Variants in MEGF10 observed in about 807,000 individuals in gnomAD.
MEGF10 encodes the protein multiple epidermal growth factor-like domains protein 10.
MEGF10 carries 86 observed loss-of-function variants against 147.5 expected under a neutral mutation model. That is an observed-to-expected ratio of 0.58 (90% CI 0.49 to 0.70). MEGF10 has a LOEUF of 0.70. Ranked by LOEUF, MEGF10 falls within the 30% of genes least tolerant of loss-of-function variation. The pLI is 0.00. For missense variants in MEGF10, 1,329 were observed against 1,487.3 expected (o/e 0.89, Z 1.75); for synonymous variants, 478 against 525.5 (o/e 0.91, Z 1.24).
At chr5:127,442,105 A>C (rs1231348921) in intron 18 of MEGF10, among the ~76,000 whole-genome samples, 1 of 152,250 alleles carries the variant, frequency 6.6e-6, no homozygotes, top group African/African-American at 2.4e-5. Flanking sequence ...GAATAGGCTC[A>C]AAATTTTACT....
chr5:127,450,821 C>G (rs138673461), intron 22 of MEGF10, among the ~76,000 whole-genome samples: 1 of 151,994 alleles, frequency 6.6e-6, no homozygotes. Context: ...TGCAGTGGCG[C>G]GATCTCGGCT....
the MEGF10 span, among the ~76,000 whole-genome samples, chr5:127,239,512 TATACTTTATA>T: frequency 6.8e-6 from 1 of 146,682 alleles, no homozygotes; most frequent in African/African-American, 2.6e-5. Context: ...TTTACATGTA[TATACTTTATA>T]TATATATAAA....
At chr5:127,315,648 T>C (rs1056934989) in intron 1 of MEGF10, among the ~76,000 whole-genome samples, 1 of 151,926 alleles carries the variant, frequency 6.6e-6, no homozygotes, top group African/African-American at 2.4e-5. Context: ...TTGGAATGCA[T>C]GTGTAGTCCC....
chr5:127,304,003 A>G (rs1759896291), intron 1 of MEGF10, among the ~76,000 whole-genome samples: 1 of 152,160 alleles, frequency 6.6e-6, no homozygotes, highest in Non-Finnish European at 1.5e-5. Flanking sequence ...CTGAGATTTT[A>G]ATTTCTACTC....
At position 127,337,783 on chromosome 5, in the gene MEGF10, A is replaced by C. The variant is rs189432068; in HGVS notation, c.117-1337A>C. Among the ~76,000 whole-genome samples the C allele has an allele frequency of 1.5e-3, 233 of 152,230 alleles. 1 individual carries two copies. The highest frequency in any genetic ancestry group is 5.4e-3 in the African/African-American group (224 of 41,566). On this transcript the variant is annotated intron_variant, in intron 2 of 24. Transcript: ENST00000503335. ...ACTCCTTTTATTTTAAAACGTGATC[A>C]TGAGGACCCAGGGAAGTGAGGTTAT...
At chr5:127,390,149 GTC>G (rs1290028333) in intron 5 of MEGF10, among the ~76,000 whole-genome samples, 1 of 152,186 alleles carries the variant, frequency 6.6e-6, no homozygotes, top group Non-Finnish European at 1.5e-5. Context: ...CTGTAGCTCT[GTC>G]TCTCTTTCTC....
intron 13 of MEGF10, among the ~76,000 whole-genome samples, chr5:127,427,485 T>C (rs547265926): frequency 1.3e-5 from 2 of 151,714 alleles, no homozygotes; most frequent in Non-Finnish European, 2.9e-5. Context: ...AGAGGAGAGG[T>C]TGGGGGCTCA....
At chr5:127,294,835 T>TAATAATAATAA (rs56033520) in intron 1 of MEGF10, among the ~76,000 whole-genome samples, 1 of 143,142 alleles carries the variant, frequency 7.0e-6, no homozygotes, top group Non-Finnish European at 1.5e-5. Context: ...ATAATAATAA[T>TAATAATAATAA]AAATAACTTG....
upstream of MEGF10, among the ~76,000 whole-genome samples, chr5:127,288,932 G>T (rs1021855204): frequency 6.6e-6 from 1 of 152,200 alleles, no homozygotes; most frequent in East Asian, 1.9e-4. Flanking sequence ...CAACATTAAT[G>T]AGTTTCAAAA....
Position 127,460,844 on chromosome 5 carries a change from T to G in MEGF10, c.*3526T>G, listed in dbSNP as rs1766534381. On this transcript the variant is annotated 3_prime_UTR_variant, in exon 25 of 25. Coordinates refer to ENST00000503335, the MANE Select transcript of MEGF10 (RefSeq NM_001256545.2). ...AGATTTTGGTCTTAAAGGCTTCACATCATGAAAGTGTACATGCATATGCAA... is the reference window on the plus strand; with the variant it reads ...AGATTTTGGTCTTAAAGGCTTCACAGCATGAAAGTGTACATGCATATGCAA... 6.7e-6 allele frequency: 1 copy of G among 150,294 alleles called. No homozygotes were observed. Among genetic ancestry groups the G allele is most frequent in the East Asian group, 1.9e-4 (1 of 5,132 alleles). 9.3% of individuals were successfully genotyped at this position (150,294 alleles called of 1,614,324 possible). A position where few individuals can be genotyped will look rare whatever the true frequency, so the allele number is the denominator to read the frequency against.
At chr5:127,268,885 C>T in the MEGF10 span, among the ~76,000 whole-genome samples, 11 of 152,332 alleles carry the variant, frequency 7.2e-5, no homozygotes, top group Non-Finnish European at 1.2e-4. Flanking sequence ...CCCTTTGAGA[C>T]GAAGCTTCCA....
intron 4 of MEGF10, among the ~76,000 whole-genome samples, chr5:127,361,296 T>C (rs1299510357): frequency 6.6e-6 from 1 of 151,962 alleles, no homozygotes; most frequent in Admixed American, 6.5e-5. Flanking sequence ...TTCATCTAGG[T>C]TATCAAATTT....
the MEGF10 span, among the ~76,000 whole-genome samples, chr5:127,245,025 G>C: frequency 1.3e-5 from 2 of 152,090 alleles, no homozygotes; most frequent in Non-Finnish European, 2.9e-5. Flanking sequence ...AAATGGCCAT[G>C]CTGCCCAAAG....
At chr5:127,455,704 T>C (rs546564065) in intron 24 of MEGF10, 97 bp downstream of exon 24, 1 of 921,936 alleles carries the variant, frequency 1.1e-6, no homozygotes, top group Non-Finnish European at 1.6e-6. Context: ...CATAGAAATC[T>C]TATTGAAAAT....
chr5:127,345,082 T>TCACATGGAAACTGTC (rs1761832228), intron 4 of MEGF10, among the ~76,000 whole-genome samples: 1 of 152,208 alleles, frequency 6.6e-6, no homozygotes, highest in South Asian at 2.1e-4. Flanking sequence ...TCATGTAGAT[T>TCACATGGAAACTGTC]CACATGGAAA....
rs1246071684 is a variant in MEGF10 at position 127,384,987 on chromosome 5, A to C, written c.413-11545A>C. On this transcript the variant is annotated intron_variant, in intron 5 of 24. Transcript: ENST00000503335. ...CAGGGAGATAAAAGACCCTCAGGGAACTGAGGCTTAAGAAGAAAGGGTGTA... is the reference window on the plus strand; with the variant it reads ...CAGGGAGATAAAAGACCCTCAGGGACCTGAGGCTTAAGAAGAAAGGGTGTA... Among the ~76,000 whole-genome samples the C allele has an allele frequency of 2.0e-5, 3 of 152,188 alleles. No individual in the cohort carries two copies. In the East Asian group the frequency reaches 5.8e-4, roughly 29 times the overall value.
intron 5 of MEGF10, among the ~76,000 whole-genome samples, chr5:127,391,725 TC>T (rs1763705970): frequency 6.6e-6 from 1 of 152,154 alleles, no homozygotes; most frequent in South Asian, 2.1e-4. Flanking sequence ...CTAATCATCA[TC>T]GTCAAACAGA....
At chr5:127,396,243 A>C (rs1015478653) in intron 5 of MEGF10, among the ~76,000 whole-genome samples, 1 of 152,214 alleles carries the variant, frequency 6.6e-6, no homozygotes, top group African/African-American at 2.4e-5. Context: ...AGCCACATCA[A>C]ACTCCACACT....
the MEGF10 span, among the ~76,000 whole-genome samples, chr5:127,277,203 G>A: frequency 1.8e-4 from 28 of 152,326 alleles, no homozygotes; most frequent in African/African-American, 6.5e-4. Flanking sequence ...GTTTTTGGAT[G>A]TAGATGGCTC....
Sources: allele counts gnomAD v4.1 joint callset (sites outside exome capture counted in the v4.1 genomes callset), GRCh38; gene constraint gnomAD v4.1.1; transcripts MANE v1.5; gene names NCBI Gene and HGNC (gene_info 2026-07-23, HGNC 2026-07-21).